The following DCC variants were observed in gnomAD, a reference collection of about 807,000 sequenced individuals.
The protein encoded by DCC is netrin receptor DCC.
In DCC, 58 loss-of-function variants were observed where a neutral mutation model predicts 172.5. That is an observed-to-expected ratio of 0.34 (90% CI 0.27 to 0.42). DCC has a LOEUF of 0.42. DCC is among the 10% of genes least tolerant of loss of function. DCC has a pLI of 1.00. For missense variants in DCC, 1,740 were observed against 1,791.0 expected, an observed-to-expected ratio of 0.97 and a Z score of 0.51; for synonymous variants, 709 against 644.5, an observed-to-expected ratio of 1.10 and a Z score of -1.52.
chr18:53,466,189 C>T (rs766915719), intron 24 of DCC, among the ~76,000 whole-genome samples: 9 of 152,280 alleles, frequency 5.9e-5, no homozygotes, highest in Non-Finnish European at 1.3e-4. Context: ...ATAACAGGTG[C>T]AATCACAGGC....
intron 12 of DCC, among the ~76,000 whole-genome samples, chr18:53,232,857 T>C (rs546992503): frequency 1.3e-5 from 2 of 152,214 alleles, no homozygotes; most frequent in African/African-American, 4.8e-5. Flanking sequence ...CCTGTGTTCA[T>C]CTGAATCTCT....
At position 53,516,588 on chromosome 18, in the gene DCC, G is replaced by T. The variant is rs935315578; in HGVS notation, c.4112-10029G>T. On this transcript the variant is annotated intron_variant, in intron 27 of 28. Transcript: ENST00000442544. Reference sequence around the variant, plus strand: ...CTAATATCCAGAATCTACAATGAATGCAAACAAATTTACAAGAAAATAAAC... The same window carrying T: ...CTAATATCCAGAATCTACAATGAATTCAAACAAATTTACAAGAAAATAAAC... Among the ~76,000 whole-genome samples the T allele has an allele frequency of 5.4e-4, 82 of 151,140 alleles. 1 individual carries two copies. The highest frequency in any genetic ancestry group is 1.3e-4 in the Non-Finnish European group (9 of 68,004).
At chr18:53,132,650 G>A (rs993915835) in intron 7 of DCC, among the ~76,000 whole-genome samples, 4 of 152,116 alleles carry the variant, frequency 2.6e-5, no homozygotes, top group Non-Finnish European at 5.9e-5. Context: ...GCAGGCATGC[G>A]GCAGTGATGT....
At chr18:52,868,053 A>ATG (rs1555675518) in intron 2 of DCC, among the ~76,000 whole-genome samples, 3,365 of 144,244 alleles carry the variant, frequency 0.023, 124 homozygotes, top group East Asian at 0.18. Context: ...ATATATATAT[A>ATG]TGTGTGTGTG....
At chr18:52,443,285 AT>A (rs1195993256) in intron 1 of DCC, among the ~76,000 whole-genome samples, 3 of 152,182 alleles carry the variant, frequency 2.0e-5, no homozygotes, top group African/African-American at 7.2e-5. Context: ...GTCCTCATTA[AT>A]TTTTTAAATA....
chr18:52,340,747 C>A lies in DCC; in HGVS notation c.-41C>A. On this transcript the variant is annotated 5_prime_UTR_variant, in exon 1 of 29. Transcript: ENST00000442544. ...GTGAGTGCATGTGTGTGAGTGCTGC[C>A]GCTGCCCGCGACCCCTGGCCCCGAA... 6.7e-7 allele frequency: 1 copy of A among 1,494,764 alleles called. No homozygotes were observed. Among genetic ancestry groups the A allele is most frequent in the Non-Finnish European group, 9.3e-7 (1 of 1,071,912 alleles). 92.6% of individuals were successfully genotyped at this position (1,494,764 alleles called of 1,614,324 possible).
chr18:53,389,782 A>G (rs1241097914), intron 16 of DCC, among the ~76,000 whole-genome samples: 1 of 152,200 alleles, frequency 6.6e-6, no homozygotes, highest in African/African-American at 2.4e-5. Context: ...ATGGTCATGA[A>G]TAGTATACCC....
intron 12 of DCC, among the ~76,000 whole-genome samples, chr18:53,282,478 A>G (rs935779018): frequency 3.9e-5 from 6 of 152,210 alleles, no homozygotes; most frequent in African/African-American, 1.4e-4. Context: ...AATGATTTGT[A>G]TAATTCATAC....
At chr18:53,451,309 TCAAAGTA>T (rs2045409644) in intron 23 of DCC, among the ~76,000 whole-genome samples, 1 of 152,232 alleles carries the variant, frequency 6.6e-6, no homozygotes, top group African/African-American at 2.4e-5. Context: ...GAATGATACA[TCAAAGTA>T]CAAAGTTTAA....
intron 1 of DCC, among the ~76,000 whole-genome samples, chr18:52,640,656 A>G (rs2034872700): frequency 1.3e-5 from 2 of 152,142 alleles, no homozygotes; most frequent in African/African-American, 4.8e-5. Flanking sequence ...ATACCTAACC[A>G]AGGAGTTGAA....
intron 2 of DCC, among the ~76,000 whole-genome samples, chr18:52,821,893 A>T (rs1487443149): frequency 1.3e-5 from 2 of 152,334 alleles, no homozygotes; most frequent in Middle Eastern, 3.4e-3. Context: ...TTAAACAGTC[A>T]TGTATTTGAG....
At chr18:53,035,154 AT>A (rs1392511444) in intron 5 of DCC, among the ~76,000 whole-genome samples, 1 of 117,110 alleles carries the variant, frequency 8.5e-6, no homozygotes, top group South Asian at 2.6e-4. Flanking sequence ...CACCTCAAAC[AT>A]TTATCTGTGT....
chr18:53,077,919 C>T (rs1270256894), intron 7 of DCC, among the ~76,000 whole-genome samples: 3 of 152,140 alleles, frequency 2.0e-5, no homozygotes, highest in Non-Finnish European at 4.4e-5. Flanking sequence ...CTCTGTTCAA[C>T]TTTCCAATAT....
intron 12 of DCC, among the ~76,000 whole-genome samples, chr18:53,232,927 C>T (rs1455897092): frequency 2.8e-5 from 4 of 143,410 alleles, no homozygotes; most frequent in African/African-American, 9.8e-5. Flanking sequence ...TTTCAACTTG[C>T]TCCTTTCTTT....
At chr18:53,521,584 C>A (rs1040420716) in intron 27 of DCC, among the ~76,000 whole-genome samples, 2 of 152,088 alleles carry the variant, frequency 1.3e-5, no homozygotes, top group African/African-American at 4.8e-5. Flanking sequence ...TTTACTTTTA[C>A]GTTTCTCAGA....
intron 1 of DCC, among the ~76,000 whole-genome samples, chr18:52,602,015 A>T (rs1185697501): frequency 6.6e-6 from 1 of 152,046 alleles, no homozygotes; most frequent in Non-Finnish European, 1.5e-5. Flanking sequence ...TCATCACTGC[A>T]ATTTTTCAAA....
At chr18:53,347,302 G>A (rs537494933) in intron 15 of DCC, among the ~76,000 whole-genome samples, 11 of 152,180 alleles carry the variant, frequency 7.2e-5, no homozygotes, top group Admixed American at 2.0e-4. Context: ...TCCAAAATCC[G>A]CCTAGTTTTG....
chr18:52,660,579 G>A (rs1026248908), intron 1 of DCC, among the ~76,000 whole-genome samples: 6 of 152,164 alleles, frequency 3.9e-5, no homozygotes, highest in Admixed American at 6.5e-5. Context: ...AACTGAGACT[G>A]CAGTCACAAA....
At chr18:53,430,125 G>A (rs1000594985) in intron 21 of DCC, among the ~76,000 whole-genome samples, 1 of 151,964 alleles carries the variant, frequency 6.6e-6, no homozygotes, top group Non-Finnish European at 1.5e-5. Flanking sequence ...TTATCTGCTG[G>A]TATACAAGAC....
Sources: gnomAD v4.1 joint callset for allele counts (sites outside exome capture counted in the v4.1 genomes callset) on GRCh38, gnomAD v4.1.1 for gene constraint, MANE v1.5 for transcripts, NCBI Gene and HGNC (gene_info 2026-07-23, HGNC 2026-07-21) for gene names.